Variants in SLC26A1 observed in about 807,000 individuals in gnomAD.
SLC26A1 encodes solute carrier family 26 member 1.
SLC26A1 carries 18 observed loss-of-function variants against 14.5 expected under a neutral mutation model. That is an observed-to-expected ratio of 1.24 (90% CI 0.86 to 1.84). The LOEUF is 1.84. Ranked by LOEUF, SLC26A1 falls within the 40% of genes most tolerant of loss-of-function variation. The probability of loss-of-function intolerance (pLI) is 0.00; values close to 1 mark genes in which losing one functional copy is unlikely to be tolerated. For synonymous variants in SLC26A1, 505 were observed against 492.0 expected (o/e 1.03, Z -0.35); for missense variants, 1,049 against 1,020.0 (o/e 1.03, Z -0.39).
chr4:987,266 A>G, downstream of SLC26A1: 1 of 1,511,260 alleles, frequency 6.6e-7, no homozygotes, highest in Non-Finnish European at 8.8e-7. Flanking sequence ...GGCCTCCGGG[A>G]CCCCCTGGCC....
At chr4:987,026 C>G, downstream of SLC26A1, 3 of 1,495,878 alleles carry the variant, frequency 2.0e-6, no homozygotes, top group Non-Finnish European at 2.7e-6. Flanking sequence ...CAGACTCCGA[C>G]CCGGAGGCGG....
downstream of SLC26A1, chr4:986,845 G>A: frequency 3.1e-6 from 2 of 641,898 alleles, no homozygotes; most frequent in Admixed American, 2.1e-5. Context: ...AGCGCTTTCC[G>A]AGTCATCGGT....
At chr4:981,446 C>T (rs1254161481) in intron 2 of SLC26A1, among the ~76,000 whole-genome samples, 5 of 151,990 alleles carry the variant, frequency 3.3e-5, no homozygotes, top group Admixed American at 6.6e-5. Context: ...ACCCTTAGCC[C>T]GGACAACAGA....
At chr4:979,301 G>C in exon 3 of SLC26A1, 1 of 739,872 alleles carries the variant, frequency 1.4e-6, no homozygotes, top group Non-Finnish European at 2.3e-6. Context: ...CCCAGGTGCT[G>C]ATCCAAGCCT....
chr4:990,066 C>A lies in SLC26A1; in HGVS notation c.873G>T (p.Pro291=). The A allele has an allele frequency of 6.2e-7, 1 of 1,601,362 alleles. No individual in the cohort carries two copies. The highest frequency in any genetic ancestry group is 1.1e-5 in the South Asian group (1 of 89,158). ...SDRYRHRLRV[P]LPTELLVIVV... ...CGATGACCAGCAGCTCCGTGGGCAG[C>A]GGCACCCTCAGGCGGTGTCGGTAGC... The change falls in exon 3 of 3, where the codon CCG becomes CCT. Residue 291 remains proline, a synonymous_variant. Transcript: ENST00000398516.
At position 987,675 on chromosome 4, in the gene SLC26A1, A is replaced by G; in HGVS notation, c.*1158T>C. ...CCCCACATTCCTGGCCCTAAGGGTC[A>G]TTTTATTAGTCACTGAACGCACGGG... On this transcript the variant is annotated 3_prime_UTR_variant, in exon 3 of 3. Coordinates refer to ENST00000398516, the MANE Select transcript of SLC26A1 (RefSeq NM_022042.4). 1 of 1,494,866 alleles carries G rather than the reference A, an allele frequency of 6.7e-7. No homozygotes were observed. Among genetic ancestry groups the G allele is most frequent in the Non-Finnish European group, 8.9e-7 (1 of 1,119,248 alleles). The allele number at this position is 1,494,866 out of a possible 1,614,324, so 92.6% of individuals were successfully genotyped here. A position where few individuals can be genotyped will look rare whatever the true frequency, so the allele number is the denominator to read the frequency against.
Position 987,986 on chromosome 4 carries a change from C to G in SLC26A1, c.*847G>C. The G allele has an allele frequency of 6.5e-7, 1 of 1,541,032 alleles. No homozygotes were observed. Among genetic ancestry groups the G allele is most frequent in the Non-Finnish European group, 8.8e-7 (1 of 1,140,378 alleles). On this transcript the variant is annotated 3_prime_UTR_variant, in exon 3 of 3. Coordinates refer to ENST00000398516, the MANE Select transcript of SLC26A1 (RefSeq NM_022042.4). ...GCAGGGTCTGGGCGTCCCAGAGCCC[C>G]TTACAGAGGCACAGATGGGAGGGGA...
intron 2 of SLC26A1, 37 bp downstream of exon 2, chr4:991,091 C>G: frequency 6.6e-7 from 1 of 1,512,754 alleles, no homozygotes; most frequent in Non-Finnish European, 8.8e-7. Context: ...GGGGGGGTGC[C>G]CTGGGCCCCT....
chr4:992,192 G>T, intron 1 of SLC26A1: 1 of 460,462 alleles, frequency 2.2e-6, no homozygotes, highest in Non-Finnish European at 4.3e-6. Context: ...AGGCAAGCCT[G>T]AGTCCAGCTG....
downstream of SLC26A1, chr4:979,004 G>A (rs1053736787): frequency 1.9e-5 from 3 of 156,472 alleles, no homozygotes; most frequent in African/African-American, 4.8e-5. Context: ...AGAAAATACC[G>A]AGATTTTTTA....
At chr4:986,829 C>T (rs1344287905), downstream of SLC26A1, 2 of 631,214 alleles carry the variant, frequency 3.2e-6, no homozygotes, top group Non-Finnish European at 5.9e-6. Context: ...GCGAAGCGTT[C>T]TTCTGAGCGC....
chr4:979,266 C>T, exon 3 of SLC26A1: 2 of 618,424 alleles, frequency 3.2e-6, no homozygotes, highest in Non-Finnish European at 5.8e-6. Flanking sequence ...TGCAGGCTGG[C>T]CAGGTTGAGG....
At chr4:987,245 G>T, downstream of SLC26A1, 1 of 1,514,092 alleles carries the variant, frequency 6.6e-7, no homozygotes, top group Non-Finnish European at 8.8e-7. Flanking sequence ...GGCTTCTGGT[G>T]AGCGCTCCGC....
chr4:988,008 G>A lies in SLC26A1; in HGVS notation c.*825C>T. ...CCCCTTACAGAGGCACAGATGGGAG[G>A]GGAGGGCTGGGGGCTGCTCGGAAGA... is the stretch of plus-strand genomic sequence containing the variant. On this transcript the variant is annotated 3_prime_UTR_variant, in exon 3 of 3. Coordinates refer to ENST00000398516, the MANE Select transcript of SLC26A1 (RefSeq NM_022042.4). 1 of 1,518,124 alleles carries A rather than the reference G, an allele frequency of 6.6e-7. No individual in the cohort carries two copies. Among genetic ancestry groups the A allele is most frequent in the Non-Finnish European group, 8.9e-7 (1 of 1,127,168 alleles). The allele number at this position is 1,518,124 out of a possible 1,614,324, so 94.0% of individuals were successfully genotyped here.
downstream of SLC26A1, among the ~76,000 whole-genome samples, chr4:986,386 C>T (rs1713730263): frequency 6.6e-6 from 1 of 152,204 alleles, no homozygotes; most frequent in South Asian, 2.1e-4. Flanking sequence ...TATAAAATGG[C>T]ACAGTATTTG....
downstream of SLC26A1, among the ~76,000 whole-genome samples, chr4:982,997 G>T (rs982388004): frequency 6.6e-6 from 1 of 152,204 alleles, no homozygotes; most frequent in Non-Finnish European, 1.5e-5. Flanking sequence ...GCAGGCGCTC[G>T]CCATGTGAGG....
intron 2 of SLC26A1, chr4:979,646 TG>T: frequency 9.6e-7 from 1 of 1,043,630 alleles, no homozygotes; most frequent in Admixed American, 2.5e-5. Flanking sequence ...GGAGGCGGGG[TG>T]GGAGCCCTTG....
Position 990,290 on chromosome 4 carries a change from T to C in SLC26A1, c.649A>G (p.Met217Val). The C allele has an allele frequency of 1.2e-6, 2 of 1,603,322 alleles. No homozygotes were observed. The highest frequency in any genetic ancestry group is 1.7e-5 in the Admixed American group (1 of 58,306). Residue 217 changes from methionine (M) to valine (V), a missense_variant, in exon 3 of 3, where the codon ATG (methionine) becomes GTG (valine). Physicochemically the swap from Met to Val is conservative, Grantham distance 21 (BLOSUM62 1). Coordinates refer to ENST00000398516, the MANE Select transcript of SLC26A1 (RefSeq NM_022042.4). ...LSQPLLDGFA[M>V]GASVTILTSQ... ...GTCAGGATGGTCACGGAGGCCCCCA[T>C]GGCAAAGCCATCGAGCAGTGGCTGT...
At chr4:991,930 T>G in intron 1 of SLC26A1, 200 bp from the exon 2 acceptor site, 1 of 965,052 alleles carries the variant, frequency 1.0e-6, no homozygotes, top group Non-Finnish European at 1.6e-6. Flanking sequence ...GGATCCAGAA[T>G]CCATCGTGAG....
Sources: gnomAD v4.1 joint callset for allele counts (sites outside exome capture counted in the v4.1 genomes callset) on GRCh38, gnomAD v4.1.1 for gene constraint, MANE v1.5 for transcripts, NCBI Gene and HGNC (gene_info 2026-07-23, HGNC 2026-07-21) for gene names.